Variants in PAPPA2 observed in about 807,000 individuals in gnomAD.
The protein encoded by PAPPA2 is pappalysin 2.
Under a neutral mutation model 176.4 loss-of-function variants are expected in PAPPA2, and 86 were observed. That is an observed-to-expected ratio of 0.49 (90% confidence interval 0.41 to 0.58). The LOEUF (loss-of-function observed/expected upper bound fraction) is 0.58, where lower values mean the gene tolerates loss of function less well. Ranked by LOEUF, PAPPA2 falls within the 20% of genes least tolerant of loss-of-function variation. PAPPA2 has a pLI of 0.00. For missense variants in PAPPA2, 2,073 were observed against 2,256.9 expected (o/e 0.92, Z 1.65); for synonymous variants, 809 against 852.2 (o/e 0.95, Z 0.88).
At chr1:176,704,147 G>A (rs1227554866) in intron 9 of PAPPA2, among the ~76,000 whole-genome samples, 1 of 149,236 alleles carries the variant, frequency 6.7e-6, no homozygotes, top group Non-Finnish European at 1.5e-5. Flanking sequence ...AAGGGGTGGA[G>A]GGCTCTTTCC....
chr1:176,484,199 T>A (rs921527235), intron 1 of PAPPA2, among the ~76,000 whole-genome samples: 1 of 152,244 alleles, frequency 6.6e-6, no homozygotes, highest in Non-Finnish European at 1.5e-5. Flanking sequence ...TCTGAGGACA[T>A]GTCAGATGCA....
At chr1:176,680,517 G>A (rs1169849354) in intron 4 of PAPPA2, among the ~76,000 whole-genome samples, 1 of 152,156 alleles carries the variant, frequency 6.6e-6, no homozygotes, top group Non-Finnish European at 1.5e-5. Context: ...GTAATTGTAA[G>A]AAACAATACA....
chr1:176,510,118 A>G (rs1307423495), intron 1 of PAPPA2, among the ~76,000 whole-genome samples: 1 of 152,186 alleles, frequency 6.6e-6, no homozygotes, highest in East Asian at 1.9e-4. Context: ...GAAAACTATA[A>G]GCTCACATAT....
At chr1:176,474,743 A>G (rs546880470) in intron 1 of PAPPA2, among the ~76,000 whole-genome samples, 1 of 152,206 alleles carries the variant, frequency 6.6e-6, no homozygotes, top group Non-Finnish European at 1.5e-5. Context: ...TGTATAGTAT[A>G]AAAATGTGAG....
At chr1:176,751,301 A>G (rs1558561131) in intron 14 of PAPPA2, among the ~76,000 whole-genome samples, 1 of 151,840 alleles carries the variant, frequency 6.6e-6, no homozygotes, top group African/African-American at 2.4e-5. Flanking sequence ...CATGTCCAAA[A>G]CACCAAAAGC....
At chr1:176,474,794 T>C (rs1652039369) in intron 1 of PAPPA2, among the ~76,000 whole-genome samples, 1 of 152,174 alleles carries the variant, frequency 6.6e-6, no homozygotes, top group Non-Finnish European at 1.5e-5. Context: ...CAAACCTGAA[T>C]TGTGAATGAA....
At chr1:176,612,693 A>AT (rs1312734829) in intron 3 of PAPPA2, among the ~76,000 whole-genome samples, 1 of 152,228 alleles carries the variant, frequency 6.6e-6, no homozygotes, top group African/African-American at 2.4e-5. Flanking sequence ...TAGTGTAATG[A>AT]ACAATGTTCT....
chr1:176,471,179 C>A (rs568679198), intron 1 of PAPPA2, among the ~76,000 whole-genome samples: 1 of 152,068 alleles, frequency 6.6e-6, no homozygotes, highest in African/African-American at 2.4e-5. Flanking sequence ...AGGAAAATTA[C>A]GGTGGATTCT....
intron 1 of PAPPA2, among the ~76,000 whole-genome samples, chr1:176,503,502 T>G (rs2294645): frequency 0.37 from 56,773 of 152,040 alleles, 12,517 homozygotes; most frequent in African/African-American, 0.6. Flanking sequence ...CCATTCTTCT[T>G]TCTCCCACAT....
intron 21 of PAPPA2, among the ~76,000 whole-genome samples, chr1:176,801,563 G>A (rs1386313298): frequency 6.6e-6 from 1 of 152,090 alleles, no homozygotes; most frequent in Non-Finnish European, 1.5e-5. Flanking sequence ...CTCATCTTCT[G>A]CCATCATTAG....
intron 3 of PAPPA2, among the ~76,000 whole-genome samples, chr1:176,640,517 T>A (rs1456657582): frequency 6.6e-6 from 1 of 151,920 alleles, no homozygotes; most frequent in Non-Finnish European, 1.5e-5. Context: ...ACAAAGGACA[T>A]GAACTCATTT....
At chr1:176,806,083 T>G in intron 21 of PAPPA2, among the ~76,000 whole-genome samples, 1 of 151,972 alleles carries the variant, frequency 6.6e-6, no homozygotes, top group East Asian at 1.9e-4. Context: ...GTATCCATGG[T>G]TAATTGATAT....
In PAPPA2 at chr1:176,556,507, C is replaced by T. The variant is rs1384763680; in HGVS notation, c.185C>T (p.Ser62Phe). The part of the protein sequence containing the change: ...LGAKVRRPRA[S>F]PQHHLFGVYP... ...GCCAAGGTTCGAAGACCCAGAGCTT[C>T]TCCACAGCATCACCTCTTTGGAGTC... is the stretch of plus-strand genomic sequence containing the variant. Residue 62 changes from serine (S) to phenylalanine (F), a missense_variant, in exon 2 of 23, where the codon TCT becomes TTT. Ser to Phe is a radical substitution (Grantham distance 155, BLOSUM62 -2). Transcript: ENST00000367662. The T allele has an allele frequency of 6.2e-7, 1 of 1,614,208 alleles. No individual in the cohort carries two copies. The highest frequency in any genetic ancestry group is 1.1e-5 in the South Asian group (1 of 91,084).
chr1:176,594,494 C>A (rs1558459394), intron 2 of PAPPA2, 30 bp from the exon 3 acceptor site: 2 of 1,570,250 alleles, frequency 1.3e-6, no homozygotes, highest in Non-Finnish European at 1.7e-6. Flanking sequence ...TGGTATCTGT[C>A]TCTTCCCTCG....
intron 3 of PAPPA2, among the ~76,000 whole-genome samples, chr1:176,619,318 T>C (rs924990185): frequency 5.9e-5 from 9 of 151,986 alleles, no homozygotes; most frequent in African/African-American, 2.2e-4. Context: ...AAGCAACTTA[T>C]ATCTACACAA....
chr1:176,543,148 G>T (rs573764077), intron 1 of PAPPA2, among the ~76,000 whole-genome samples: 1 of 152,072 alleles, frequency 6.6e-6, no homozygotes, highest in Admixed American at 6.5e-5. Flanking sequence ...GCTTCTTCAC[G>T]TTCCCCGTCG....
intron 3 of PAPPA2, among the ~76,000 whole-genome samples, chr1:176,604,674 A>G (rs1654516483): frequency 6.6e-6 from 1 of 152,250 alleles, no homozygotes; most frequent in Non-Finnish European, 1.5e-5. Context: ...ACCCCTGCTT[A>G]AATACATATT....
chr1:176,774,778 G>C (rs990517647), intron 17 of PAPPA2, among the ~76,000 whole-genome samples: 5 of 152,130 alleles, frequency 3.3e-5, no homozygotes, highest in African/African-American at 9.7e-5. Context: ...GGGAAAAGTT[G>C]AATATTAAGA....
intron 3 of PAPPA2, among the ~76,000 whole-genome samples, chr1:176,626,270 A>G (rs777244347): frequency 2.0e-5 from 3 of 152,008 alleles, no homozygotes; most frequent in East Asian, 1.9e-4. Context: ...TCATTTATGC[A>G]TGTGTTCCTA....
Sources: gnomAD v4.1 joint callset for allele counts (sites outside exome capture counted in the v4.1 genomes callset) on GRCh38, gnomAD v4.1.1 for gene constraint, MANE v1.5 for transcripts, NCBI Gene and HGNC (gene_info 2026-07-23, HGNC 2026-07-21) for gene names.